Variants in NKD1 observed in about 807,000 individuals in gnomAD.
The protein encoded by NKD1 is protein naked cuticle homolog 1.
Under a neutral mutation model 56.0 loss-of-function variants are expected in NKD1, and 21 were observed. The ratio of observed to expected loss-of-function variants is 0.38; its 90% CI spans 0.27 to 0.54. NKD1 has a LOEUF of 0.54. Among genes scored for constraint, NKD1 ranks in the 20% least tolerant of loss-of-function variants. The pLI, the probability that NKD1 is intolerant of heterozygous loss-of-function variation, is 0.82. For missense variants in NKD1, 578 were observed against 642.7 expected, an observed-to-expected ratio of 0.90 and a Z score of 1.09; for synonymous variants, 263 against 265.7, an observed-to-expected ratio of 0.99 and a Z score of 0.10.
In NKD1 at chr16:50,637,709, C is replaced by T. The variant is rs1202715460; in HGVS notation, c.*3928C>T. ...CTGGTGAGGTTTTGAGCACATTTTC[C>T]TGCAGGCTGGTATGGGTGAGAGGTT... is the stretch of plus-strand genomic sequence containing the variant. On this transcript the variant is annotated 3_prime_UTR_variant, in exon 10 of 10. Transcript: ENST00000268459. The T allele has an allele frequency of 6.6e-6, 1 of 152,214 alleles. No homozygotes were observed. Among genetic ancestry groups the T allele is most frequent in the Non-Finnish European group, 1.5e-5 (1 of 68,046 alleles). 9.4% of individuals were successfully genotyped at this position (152,214 alleles called of 1,614,324 possible).
chr16:50,610,141 G>A (rs1961810697), intron 4 of NKD1, among the ~76,000 whole-genome samples: 1 of 152,066 alleles, frequency 6.6e-6, no homozygotes, highest in Non-Finnish European at 1.5e-5. Flanking sequence ...GACCAGCCTG[G>A]GCAACATAGT....
chr16:50,622,129 G>T (rs923274849), intron 5 of NKD1, among the ~76,000 whole-genome samples: 2 of 152,234 alleles, frequency 1.3e-5, no homozygotes, highest in Non-Finnish European at 2.9e-5. Flanking sequence ...GGTACGGGCA[G>T]GACCCTGACG....
chr16:50,621,901 G>A (rs1023286083), intron 5 of NKD1, among the ~76,000 whole-genome samples, 193 bp downstream of exon 5: 5 of 152,180 alleles, frequency 3.3e-5, no homozygotes, highest in Non-Finnish European at 4.4e-5. Context: ...GGGACTCACC[G>A]CTGCCCACCC....
chr16:50,585,583 C>G (rs771695627), intron 3 of NKD1, among the ~76,000 whole-genome samples: 7 of 152,182 alleles, frequency 4.6e-5, no homozygotes, highest in Non-Finnish European at 1.0e-4. Flanking sequence ...TCTCCAGAGG[C>G]CTTGCTGCCT....
intron 4 of NKD1, 88 bp downstream of exon 4, chr16:50,608,448 A>G: frequency 1.1e-6 from 1 of 943,714 alleles, no homozygotes; most frequent in Non-Finnish European, 1.7e-6. Context: ...TACTCCAGAA[A>G]ATCTGCAGAT....
chr16:50,583,515 A>G (rs934754906), intron 3 of NKD1, among the ~76,000 whole-genome samples: 3 of 152,114 alleles, frequency 2.0e-5, no homozygotes, highest in African/African-American at 7.2e-5. Flanking sequence ...CCCTGCAACC[A>G]CACAAGACTC....
At chr16:50,590,569 G>A (rs1324352910) in intron 3 of NKD1, among the ~76,000 whole-genome samples, 2 of 152,190 alleles carry the variant, frequency 1.3e-5, no homozygotes, top group Admixed American at 1.3e-4. Flanking sequence ...CTTTACAAAT[G>A]TGAGCTAATT....
In NKD1 at chr16:50,637,910, G is replaced by C. The variant is rs1962503388; in HGVS notation, c.*4129G>C. The stretch of plus-strand genomic sequence containing the variant: ...GGGTGTGTTTAAGGCAGACAGCCAG[G>C]TGAGGATCCCAGCTACTGGGGCCTG... On this transcript the variant is annotated 3_prime_UTR_variant, in exon 10 of 10. Coordinates refer to ENST00000268459, the MANE Select transcript of NKD1 (RefSeq NM_033119.5). 6.6e-6 allele frequency: 1 copy of C among 152,238 alleles called. No individual in the cohort carries two copies. Among genetic ancestry groups the C allele is most frequent in the Non-Finnish European group, 1.5e-5 (1 of 68,072 alleles). The allele number at this position is 152,238 out of a possible 1,614,324, so 9.4% of individuals were successfully genotyped here.
chr16:50,596,449 T>C (rs905789287), intron 3 of NKD1, among the ~76,000 whole-genome samples: 1 of 152,208 alleles, frequency 6.6e-6, no homozygotes, highest in African/African-American at 2.4e-5. Context: ...TGGAAGACCA[T>C]TGGGTGACCT....
chr16:50,595,842 C>T (rs943552611), intron 3 of NKD1, among the ~76,000 whole-genome samples: 1 of 152,188 alleles, frequency 6.6e-6, no homozygotes, highest in African/African-American at 2.4e-5. Context: ...TGACACGGGC[C>T]CCTGATGTGG....
chr16:50,619,655 A>G (rs1962042025), intron 4 of NKD1, among the ~76,000 whole-genome samples: 1 of 152,226 alleles, frequency 6.6e-6, no homozygotes, highest in Non-Finnish European at 1.5e-5. Flanking sequence ...ACTTATGGCC[A>G]GACCTAGTGC....
chr16:50,548,522 T>G lies in NKD1; in HGVS notation c.-32T>G. 1 of 1,449,372 alleles carries G rather than the reference T, an allele frequency of 6.9e-7. No individual in the cohort carries two copies. The highest frequency in any genetic ancestry group is 9.1e-7 in the Non-Finnish European group (1 of 1,104,502). The allele number at this position is 1,449,372 out of a possible 1,614,324, so 89.8% of individuals were successfully genotyped here. ...CAGGCCCGCGGGCCGGGCGCATGGC[T>G]TAGGGACGCTCCCGGCCGCCGCAGC... On this transcript the variant is annotated 5_prime_UTR_variant, in exon 1 of 10. Coordinates refer to ENST00000268459, the MANE Select transcript of NKD1 (RefSeq NM_033119.5).
intron 3 of NKD1, chr16:50,551,833 C>T (rs879693356): frequency 2.6e-5 from 4 of 151,882 alleles, no homozygotes; most frequent in Non-Finnish European, 4.4e-5. Flanking sequence ...GAAGTCCATT[C>T]AGAGAAAAAT....
intron 3 of NKD1, among the ~76,000 whole-genome samples, chr16:50,563,194 C>T (rs1484987150): frequency 2.0e-5 from 3 of 152,264 alleles, no homozygotes; most frequent in Non-Finnish European, 2.9e-5. Context: ...TAAATGTGAA[C>T]TTAAATAGCC....
At chr16:50,567,078 G>C (rs901206381) in intron 3 of NKD1, among the ~76,000 whole-genome samples, 1 of 151,554 alleles carries the variant, frequency 6.6e-6, no homozygotes, top group Admixed American at 6.6e-5. Flanking sequence ...CCCAATTTGA[G>C]GGGTGCATAG....
intron 3 of NKD1, among the ~76,000 whole-genome samples, chr16:50,567,736 G>C (rs1567336280): frequency 6.6e-6 from 1 of 152,198 alleles, no homozygotes; most frequent in Non-Finnish European, 1.5e-5. Flanking sequence ...CTGGACACCA[G>C]GTCTGGGGTG....
At chr16:50,564,555 T>C (rs1291667436) in intron 3 of NKD1, among the ~76,000 whole-genome samples, 2 of 152,230 alleles carry the variant, frequency 1.3e-5, no homozygotes, top group Non-Finnish European at 2.9e-5. Flanking sequence ...GTCAGGTTCT[T>C]TGTGGCTCAC....
intron 3 of NKD1, chr16:50,572,874 A>G: frequency 1.0e-6 from 1 of 984,996 alleles, no homozygotes; most frequent in Non-Finnish European, 1.2e-6. Flanking sequence ...TGGAGCCAAC[A>G]GGATCATGAG....
chr16:50,593,308 A>C (rs749328589), intron 3 of NKD1, among the ~76,000 whole-genome samples: 1 of 152,222 alleles, frequency 6.6e-6, no homozygotes, highest in Non-Finnish European at 1.5e-5. Context: ...GGTCCACGTC[A>C]TTGAAAAATG....
Sources: allele counts gnomAD v4.1 joint callset (sites outside exome capture counted in the v4.1 genomes callset), GRCh38; gene constraint gnomAD v4.1.1; transcripts MANE v1.5; gene names NCBI Gene and HGNC (gene_info 2026-07-23, HGNC 2026-07-21).